The following DSC3 variants were observed in gnomAD, a reference collection of about 807,000 sequenced individuals.
DSC3 encodes the protein desmocollin 3.
Under a neutral mutation model 89.5 loss-of-function variants are expected in DSC3, and 97 were observed. The observed-to-expected ratio is 1.08, with a 90% CI of 0.92 to 1.28. DSC3 has a LOEUF of 1.28. Ranked by LOEUF, DSC3 falls within the 50% of genes most tolerant of loss-of-function variation. The pLI, the probability that DSC3 is intolerant of heterozygous loss-of-function variation, is 0.00. For synonymous variants in DSC3, 436 were observed against 384.1 expected (o/e 1.14, Z -1.58); for missense variants, 1,199 against 1,085.3 (o/e 1.10, Z -1.47).
chr18:30,994,504 C>T (rs758630359), intron 15 of DSC3, 132 bp from the exon 16 acceptor site: 20 of 1,586,582 alleles, frequency 1.3e-5, no homozygotes, highest in Middle Eastern at 2.3e-4. Flanking sequence ...TTCCTACACA[C>T]AGAAAATGCA....
At chr18:31,027,190 T>C (rs147702678) in intron 4 of DSC3, among the ~76,000 whole-genome samples, 5 of 152,236 alleles carry the variant, frequency 3.3e-5, no homozygotes, top group East Asian at 3.9e-4. Flanking sequence ...TCTCATAATG[T>C]AGATGATAGA....
chr18:31,001,889 C>T (rs1035373866), intron 13 of DSC3, 150 bp from the exon 14 acceptor site: 5 of 616,642 alleles, frequency 8.1e-6, no homozygotes, highest in Non-Finnish European at 7.9e-6. Context: ...TCTAAGTTAA[C>T]ATGTCACCAG....
In DSC3 at chr18:31,004,238, G is replaced by A. The variant is rs1160813378; in HGVS notation, c.2017C>T (p.His673Tyr). 8 of 1,613,858 alleles carry A rather than the reference G, an allele frequency of 5.0e-6. No homozygotes were observed. The Admixed American group carries it at 1.2e-4, about 24-fold the overall frequency. ...GAAGTCGCACGACACTGAGTTGGATGAGTACATTCACACAGATTAACTCTC... is the reference window on the plus strand; with the variant it reads ...GAAGTCGCACGACACTGAGTTGGATAAGTACATTCACACAGATTAACTCTC... ...LLRVNLCECT[H>Y]PTQCRATSRS... Residue 673 changes from histidine (H) to tyrosine (Y), a missense_variant, in exon 13 of 16, where the codon CAT becomes TAT. His to Tyr is a moderately conservative substitution (Grantham distance 83). Coordinates refer to ENST00000360428, the MANE Select transcript of DSC3 (RefSeq NM_001941.5).
At chr18:31,041,081 C>T (rs1441312228) in intron 1 of DSC3, among the ~76,000 whole-genome samples, 1 of 152,122 alleles carries the variant, frequency 6.6e-6, no homozygotes, top group Non-Finnish European at 1.5e-5. Flanking sequence ...GCACCTTCTT[C>T]CTTGCCACAG....
At position 30,994,276 on chromosome 18, in the gene DSC3, C is replaced by G. The variant is rs1984377980; in HGVS notation, c.2590G>C (p.Val864Leu). Residue 864 changes from valine (V) to leucine (L), a missense_variant, in exon 16 of 16, where the codon GTG (valine) becomes CTG (leucine). Coordinates refer to ENST00000360428, the MANE Select transcript of DSC3 (RefSeq NM_001941.5). ...YEGRGSPAGS[V>L]GCCSEKQEED... ...TCCTGCTTTTCACTGCAGCAGCCCA[C>G]AGAACCAGCTGGAGATCCTCTTCCC... The G allele has an allele frequency of 3.1e-6, 5 of 1,614,080 alleles. No homozygotes were observed. The East Asian group carries it at 8.9e-5, about 29-fold the overall frequency.
chr18:30,994,272 C>G lies in DSC3; in HGVS notation c.2594G>C (p.Gly865Ala). 1 of 1,614,044 alleles carries G rather than the reference C, an allele frequency of 6.2e-7. No homozygotes were observed. The highest frequency in any genetic ancestry group is 8.5e-7 in the Non-Finnish European group (1 of 1,179,980). ...EGRGSPAGSV[G>A]CCSEKQEEDG... ...TTCTTCCTGCTTTTCACTGCAGCAG[C>G]CCACAGAACCAGCTGGAGATCCTCT... is the stretch of plus-strand genomic sequence containing the variant. Residue 865 changes from glycine to alanine, a missense_variant, in exon 16 of 16, where the codon GGC (glycine) becomes GCC (alanine). By Grantham distance (60) the Gly-to-Ala change is moderately conservative. Coordinates refer to ENST00000360428, the MANE Select transcript of DSC3 (RefSeq NM_001941.5).
chr18:31,013,862 C>A (rs1055403099), intron 9 of DSC3, among the ~76,000 whole-genome samples: 2 of 152,100 alleles, frequency 1.3e-5, no homozygotes, highest in African/African-American at 4.8e-5. Flanking sequence ...AAAAAAATAG[C>A]CATGTCCTTG....
intron 1 of DSC3, among the ~76,000 whole-genome samples, chr18:31,038,814 T>G (rs1986049157): frequency 6.6e-6 from 1 of 152,110 alleles, no homozygotes; most frequent in Non-Finnish European, 1.5e-5. Flanking sequence ...CCTAACTATA[T>G]AGCAGTAGCT....
At chr18:31,031,284 A>C in intron 2 of DSC3, 112 bp from the exon 3 acceptor site, 1 of 720,484 alleles carries the variant, frequency 1.4e-6, no homozygotes, top group South Asian at 2.0e-5. Flanking sequence ...AAATAAGCCA[A>C]TCACTTTGCA....
At position 31,036,798 on chromosome 18, in the gene DSC3, C is replaced by CTTTTTTTTTTTTTTTTTTTTTTTTT. The variant is rs775187201; in HGVS notation, c.70-4523_70-4522insAAAAAAAAAAAAAAAAAAAAAAAAA. 1.2e-4 allele frequency among the ~76,000 whole-genome samples: 13 copies of CTTTTTTTTTTTTTTTTTTTTTTTTT among 107,432 alleles called. 2 individuals are homozygous for CTTTTTTTTTTTTTTTTTTTTTTTTT. Among genetic ancestry groups the CTTTTTTTTTTTTTTTTTTTTTTTTT allele is most frequent in the Non-Finnish European group, 1.5e-4 (8 of 55,040 alleles). 70.5% of individuals were successfully genotyped at this position (107,432 alleles called of 152,430 possible). A position where few individuals can be genotyped will look rare whatever the true frequency, so the allele number is the denominator to read the frequency against. On this transcript the variant is annotated intron_variant, in intron 1 of 15. Coordinates refer to ENST00000360428, the MANE Select transcript of DSC3 (RefSeq NM_001941.5). ...TATTTCCTTTTTGCTTTCTTTCTTC[C>CTTTTTTTTTTTTTTTTTTTTTTTTT]TTTTTTTTTTTTGAGATGGAATCTT...
chr18:31,040,401 G>T (rs1197547476), intron 1 of DSC3, among the ~76,000 whole-genome samples: 1 of 152,088 alleles, frequency 6.6e-6, no homozygotes, highest in Non-Finnish European at 1.5e-5. Context: ...TAACAATTCT[G>T]GTTACATTAA....
In DSC3 at chr18:30,992,248, A is replaced by T. The variant is rs1253306279; in HGVS notation, c.*1927T>A. Reference sequence around the variant, plus strand: ...TTAGGGTCAAATTAGAAAACAGAAAATGTAGGAATAAATCAGAATTTTAGA... The same window carrying T: ...TTAGGGTCAAATTAGAAAACAGAAATTGTAGGAATAAATCAGAATTTTAGA... On this transcript the variant is annotated 3_prime_UTR_variant, in exon 16 of 16. Transcript: ENST00000360428. The T allele has an allele frequency of 6.6e-6, 1 of 151,752 alleles. No individual in the cohort carries two copies. The highest frequency in any genetic ancestry group is 2.4e-5 in the African/African-American group (1 of 41,370). The allele number at this position is 151,752 out of a possible 1,614,324, so 9.4% of individuals were successfully genotyped here.
At position 31,001,560 on chromosome 18, in the gene DSC3, A is replaced by G. The variant is rs111690876; in HGVS notation, c.2235+58T>C. 8.9e-6 allele frequency: 14 copies of G among 1,581,572 alleles called. No individual in the cohort carries two copies. In the East Asian group the frequency reaches 3.2e-4, roughly 36 times the overall value. On this transcript the variant is annotated intron_variant, in intron 14 of 15. Coordinates refer to ENST00000360428, the MANE Select transcript of DSC3 (RefSeq NM_001941.5). ...AACTCCTAAATTTTGAAATGAGTTTATGAGGATGAATTAAATTATCGGAGA... is the reference window on the plus strand; with the variant it reads ...AACTCCTAAATTTTGAAATGAGTTTGTGAGGATGAATTAAATTATCGGAGA...
In DSC3 at chr18:30,990,078, T is replaced by G. The variant is rs913450583; in HGVS notation, c.*4097A>C. 1.3e-5 allele frequency: 2 copies of G among 152,206 alleles called. No individual in the cohort carries two copies. The highest frequency in any genetic ancestry group is 4.8e-5 in the African/African-American group (2 of 41,450). The allele number at this position is 152,206 out of a possible 1,614,324, so 9.4% of individuals were successfully genotyped here. A position where few individuals can be genotyped will look rare whatever the true frequency, so the allele number is the denominator to read the frequency against. ...AGAGATGAGATATTGTTCGGTAGTA[T>G]ATCCAACTACATAATTTTACCAACT... On this transcript the variant is annotated 3_prime_UTR_variant, in exon 16 of 16. Coordinates refer to ENST00000360428, the MANE Select transcript of DSC3 (RefSeq NM_001941.5).
At position 30,996,884 on chromosome 18, in the gene DSC3, G is replaced by C. The variant is rs776031684; in HGVS notation, c.2400C>G (p.Thr800=). ...ESCRGAGHHH[T]LDSCRGGHTE... ...TGTGTCCTCCCCTGCAGGAGTCCAGGGTATGATGATGCCCAGCCCCCCGGC... is the reference window on the plus strand; with the variant it reads ...TGTGTCCTCCCCTGCAGGAGTCCAGCGTATGATGATGCCCAGCCCCCCGGC... Residue 800 remains threonine, a synonymous_variant, in exon 15 of 16, where the codon ACC becomes ACG. Transcript: ENST00000360428. 47 of 1,613,646 alleles carry C rather than the reference G, an allele frequency of 2.9e-5. No homozygotes were observed. Among genetic ancestry groups the C allele is most frequent in the Non-Finnish European group, 3.8e-5 (45 of 1,179,988 alleles).
rs1984464299 is a variant in DSC3, at chr18:30,996,326, AACATAT to A, written c.2493+459_2493+464del. On this transcript the variant is annotated intron_variant, in intron 15 of 15. Transcript: ENST00000360428. The stretch of plus-strand genomic sequence containing the variant: ...TCATAATATCACTTTGTGCCCCATA[AACATAT>A]ACAATTAAATTTTGTCAATTTGCAA... 2.0e-5 allele frequency among the ~76,000 whole-genome samples: 3 copies of A among 152,270 alleles called. 1 individual carries two copies. In the East Asian group the frequency reaches 5.8e-4, roughly 29 times the overall value.
intron 9 of DSC3, among the ~76,000 whole-genome samples, chr18:31,012,934 T>C (rs1022267239): frequency 6.6e-6 from 1 of 152,112 alleles, no homozygotes; most frequent in African/African-American, 2.4e-5. Flanking sequence ...ATGAAATTAA[T>C]ATAATTGTAA....
At chr18:31,002,496 T>G (rs1598600744) in intron 13 of DSC3, among the ~76,000 whole-genome samples, 1 of 150,068 alleles carries the variant, frequency 6.7e-6, no homozygotes, top group African/African-American at 2.5e-5. Flanking sequence ...AGATCAGGAG[T>G]TCGAGACAAG....
Position 31,031,240 on chromosome 18 carries a change from T to C in DSC3, c.155-68A>G, listed in dbSNP as rs1289361216. 2.6e-5 allele frequency: 29 copies of C among 1,107,928 alleles called. No individual in the cohort carries two copies. In the East Asian group the frequency reaches 6.2e-4, roughly 24 times the overall value. The allele number at this position is 1,107,928 out of a possible 1,614,324, so 68.6% of individuals were successfully genotyped here. ...GAAAAAAAAACGTGTTAAAATAATT[T>C]ATATAATATTCTTAAAAACCATGAA... is the stretch of plus-strand genomic sequence containing the variant. On this transcript the variant is annotated intron_variant, in intron 2 of 15. Transcript: ENST00000360428.
Sources: allele counts gnomAD v4.1 joint callset (sites outside exome capture counted in the v4.1 genomes callset), GRCh38; gene constraint gnomAD v4.1.1; transcripts MANE v1.5; gene names NCBI Gene and HGNC (gene_info 2026-07-23, HGNC 2026-07-21).